The following EPHA6 variants were observed in gnomAD, a reference collection of about 807,000 sequenced individuals.
EPHA6 encodes ephrin type-A receptor 6.
A neutral mutation model predicts 112.0 loss-of-function variants in EPHA6; 50 were observed. That is an observed-to-expected ratio of 0.45 (90% CI 0.36 to 0.56). The LOEUF (loss-of-function observed/expected upper bound fraction) is 0.56. Ranked by LOEUF, EPHA6 falls within the 20% of genes least tolerant of loss-of-function variation. EPHA6 has a pLI of 0.00. For missense variants in EPHA6, 1,280 were observed against 1,417.4 expected, an observed-to-expected ratio of 0.90 and a Z score of 1.56; for synonymous variants, 529 against 490.7, an observed-to-expected ratio of 1.08 and a Z score of -1.03.
chr3:97,006,427 G>T (rs2043881667), intron 3 of EPHA6, among the ~76,000 whole-genome samples: 1 of 152,084 alleles, frequency 6.6e-6, no homozygotes, highest in Admixed American at 6.5e-5. Context: ...ATGGTGGTTT[G>T]TATTTCTGTG....
intron 13 of EPHA6, among the ~76,000 whole-genome samples, chr3:97,623,634 A>G (rs1270577051): frequency 6.6e-6 from 1 of 151,660 alleles, no homozygotes; most frequent in African/African-American, 2.4e-5. Context: ...AAAAAGGGCA[A>G]AAAGGAGCTA....
intron 3 of EPHA6, among the ~76,000 whole-genome samples, chr3:97,069,401 G>A (rs1449392466): frequency 6.6e-6 from 1 of 152,140 alleles, no homozygotes; most frequent in Non-Finnish European, 1.5e-5. Flanking sequence ...TAACAGAGTT[G>A]GAAGGGTATC....
At chr3:97,744,269 T>G (rs1212106303) in intron 16 of EPHA6, among the ~76,000 whole-genome samples, 1 of 152,004 alleles carries the variant, frequency 6.6e-6, no homozygotes, top group Non-Finnish European at 1.5e-5. Flanking sequence ...AGGTGGGCAG[T>G]ACTCACTAAT....
intron 5 of EPHA6, among the ~76,000 whole-genome samples, chr3:97,403,174 GA>G: frequency 6.6e-6 from 1 of 151,824 alleles, no homozygotes; most frequent in Admixed American, 6.6e-5. Flanking sequence ...ATATATATAT[GA>G]AACAGCTTCA....
rs555191333 is a variant in EPHA6 at position 97,097,800 on chromosome 3, G to A, written c.1114+109807G>A. The stretch of plus-strand genomic sequence containing the variant: ...TGCTTCCTGGTATTTTAATCACATA[G>A]CAGATAAATCAGAAGAATGTATGCA... On this transcript the variant is annotated intron_variant, in intron 3 of 17. Coordinates refer to ENST00000389672, the MANE Select transcript of EPHA6 (RefSeq NM_001080448.3). Among the ~76,000 whole-genome samples the A allele has an allele frequency of 5.1e-4, 77 of 151,868 alleles. 1 individual carries two copies. In the Middle Eastern group the frequency reaches 0.01, roughly 20 times the overall value.
chr3:97,734,729 G>A (rs141247821), intron 15 of EPHA6, among the ~76,000 whole-genome samples: 189 of 152,146 alleles, frequency 1.2e-3, no homozygotes, highest in Non-Finnish European at 2.1e-3. Context: ...GAGGGACAGA[G>A]GAGGGGGAAG....
chr3:97,521,768 A>G (rs944842262), intron 10 of EPHA6, among the ~76,000 whole-genome samples: 5 of 152,080 alleles, frequency 3.3e-5, no homozygotes, highest in African/African-American at 1.2e-4. Flanking sequence ...ACGTTCCCCC[A>G]TGGGGCATGA....
chr3:97,469,904 G>T (rs1192998991), intron 7 of EPHA6, among the ~76,000 whole-genome samples: 1 of 151,646 alleles, frequency 6.6e-6, no homozygotes, highest in African/African-American at 2.4e-5. Flanking sequence ...ACAGTAGGCT[G>T]TGTCACTGGT....
intron 7 of EPHA6, among the ~76,000 whole-genome samples, chr3:97,455,192 A>G (rs556702481): frequency 1.3e-5 from 2 of 152,124 alleles, no homozygotes; most frequent in African/African-American, 4.8e-5. Flanking sequence ...TTTATTTAGG[A>G]GGTTGTGATA....
Position 97,405,149 on chromosome 3 carries a change from G to T in EPHA6, c.1607-1G>T, listed in dbSNP as rs1270142026. On this transcript the variant is annotated splice_acceptor_variant, in intron 5 of 17. Transcript: ENST00000389672. LOFTEE classifies it high-confidence loss of function. ...TTCTTAGTTATTTTCTTTCCTTTCA[G>T]CACCTTCCCTGATAGGTGTGGTAAG... is the stretch of plus-strand genomic sequence containing the variant. 4 of 1,590,858 alleles carry T rather than the reference G, an allele frequency of 2.5e-6. No homozygotes were observed. Among genetic ancestry groups the T allele is most frequent in the Non-Finnish European group, 3.4e-6 (4 of 1,166,902 alleles).
intron 5 of EPHA6, among the ~76,000 whole-genome samples, chr3:97,245,641 C>G (rs1345134333): frequency 2.0e-5 from 3 of 151,844 alleles, no homozygotes; most frequent in Non-Finnish European, 2.9e-5. Flanking sequence ...CTGTATGATT[C>G]CACTCATATA....
chr3:97,720,815 A>G (rs1203871260), intron 15 of EPHA6, among the ~76,000 whole-genome samples: 1 of 152,208 alleles, frequency 6.6e-6, no homozygotes, highest in Non-Finnish European at 1.5e-5. Context: ...AGAGGGAAAA[A>G]AGTGAATGCT....
chr3:97,467,201 G>T (rs1018379297), intron 7 of EPHA6, among the ~76,000 whole-genome samples: 3 of 151,684 alleles, frequency 2.0e-5, no homozygotes, highest in African/African-American at 7.2e-5. Context: ...TGGTATTTTT[G>T]TTGTTATTGA....
intron 6 of EPHA6, among the ~76,000 whole-genome samples, chr3:97,411,875 A>T (rs2087738831): frequency 6.6e-6 from 1 of 152,068 alleles, no homozygotes; most frequent in Non-Finnish European, 1.5e-5. Context: ...AGTGGTAATA[A>T]ACTCAGGGGG....
intron 14 of EPHA6, among the ~76,000 whole-genome samples, chr3:97,652,567 T>C (rs1170682453): frequency 6.6e-6 from 1 of 152,056 alleles, no homozygotes; most frequent in African/African-American, 2.4e-5. Flanking sequence ...CTAGTTGAAA[T>C]CTATCAAAAA....
chr3:97,678,120 A>T (rs780475289), intron 14 of EPHA6, among the ~76,000 whole-genome samples: 29 of 152,100 alleles, frequency 1.9e-4, no homozygotes, highest in Admixed American at 3.9e-4. Flanking sequence ...TGGAGTATTG[A>T]TAGGTGACTA....
At chr3:97,188,783 T>TATTGCTG (rs1281990857) in intron 3 of EPHA6, among the ~76,000 whole-genome samples, 1 of 151,962 alleles carries the variant, frequency 6.6e-6, no homozygotes, top group African/African-American at 2.4e-5. Flanking sequence ...AGAGTTATAG[T>TATTGCTG]ATTGCTGAAA....
intron 3 of EPHA6, among the ~76,000 whole-genome samples, chr3:97,208,579 C>T (rs1419129753): frequency 1.3e-5 from 2 of 151,918 alleles, no homozygotes; most frequent in East Asian, 1.9e-4. Context: ...AACCCCGTCT[C>T]TACTAAAATA....
intron 5 of EPHA6, among the ~76,000 whole-genome samples, chr3:97,397,410 G>T (rs955988028): frequency 4.6e-5 from 7 of 151,642 alleles, no homozygotes; most frequent in Non-Finnish European, 7.4e-5. Flanking sequence ...TATTAAGAAA[G>T]AAATCATTAA....
Sources: gnomAD v4.1 joint callset for allele counts (sites outside exome capture counted in the v4.1 genomes callset) on GRCh38, gnomAD v4.1.1 for gene constraint, MANE v1.5 for transcripts, NCBI Gene and HGNC (gene_info 2026-07-23, HGNC 2026-07-21) for gene names.